LAMA3: variants seen among roughly 807,000 people sequenced by gnomAD.
The protein encoded by LAMA3 is laminin subunit alpha 3.
In LAMA3, 281 loss-of-function variants were observed where a neutral mutation model predicts 402.0. The observed-to-expected ratio is 0.70, with a 90% CI of 0.63 to 0.77. The LOEUF (loss-of-function observed/expected upper bound fraction) is 0.77. LAMA3 is among the 30% of genes least tolerant of loss of function. The pLI is 0.00. For synonymous variants in LAMA3, 1,431 were observed against 1,558.4 expected, an observed-to-expected ratio of 0.92 and a Z score of 1.93; for missense variants, 3,840 against 4,215.5, an observed-to-expected ratio of 0.91 and a Z score of 2.47.
At chr18:23,756,824 C>T (rs2061853545) in intron 6 of LAMA3, among the ~76,000 whole-genome samples, 1 of 152,248 alleles carries the variant, frequency 6.6e-6, no homozygotes, top group South Asian at 2.1e-4. Context: ...CTGGATGGGG[C>T]GCCTGCACCC....
At chr18:23,928,920 C>G (rs1227913578) in intron 64 of LAMA3, among the ~76,000 whole-genome samples, 155 bp downstream of exon 64, 1 of 152,192 alleles carries the variant, frequency 6.6e-6, no homozygotes, top group Non-Finnish European at 1.5e-5. Context: ...AAACGTTATT[C>G]CCCACTCTGG....
At chr18:23,872,927 C>T in intron 38 of LAMA3, 1 of 1,342,182 alleles carries the variant, frequency 7.5e-7, no homozygotes, top group Non-Finnish European at 1.0e-6. Context: ...GGTGGGGCCC[C>T]TGCCGCAGAC....
chr18:23,876,723 A>G (rs2064730047), intron 39 of LAMA3, among the ~76,000 whole-genome samples: 1 of 152,188 alleles, frequency 6.6e-6, no homozygotes, highest in African/African-American at 2.4e-5. Context: ...AACTAATCCA[A>G]GCCACTACTT....
chr18:23,741,799 C>G (rs146561386), intron 2 of LAMA3, among the ~76,000 whole-genome samples: 2 of 152,126 alleles, frequency 1.3e-5, no homozygotes, highest in Non-Finnish European at 2.9e-5. Context: ...CTTGGCTTCA[C>G]GTGCTTCTTG....
chr18:23,912,959 G>A (rs1305760922), intron 56 of LAMA3, 78 bp downstream of exon 56: 28 of 1,297,046 alleles, frequency 2.2e-5, no homozygotes, highest in Non-Finnish European at 3.0e-5. Context: ...GTGTGGCACG[G>A]CTGCATCACT....
At chr18:23,945,775 C>T (rs550808783) in intron 69 of LAMA3, among the ~76,000 whole-genome samples, 59 of 152,304 alleles carry the variant, frequency 3.9e-4, no homozygotes, top group Middle Eastern at 3.4e-3. Context: ...CAACACACCC[C>T]CGTCCCCAGC....
At chr18:23,779,486 G>A (rs1162092441) in intron 11 of LAMA3, among the ~76,000 whole-genome samples, 1 of 152,084 alleles carries the variant, frequency 6.6e-6, no homozygotes, top group Non-Finnish European at 1.5e-5. Context: ...GAAAGAGAGG[G>A]CTCTGGGGTG....
chr18:23,782,451 G>A (rs982705297), intron 11 of LAMA3, among the ~76,000 whole-genome samples: 4 of 152,144 alleles, frequency 2.6e-5, no homozygotes, highest in African/African-American at 9.7e-5. Context: ...TACTCGGGAG[G>A]CTGAGGCATG....
rs182399626 is a variant in LAMA3 at position 23,800,677 on chromosome 18, T to C, written c.1604-9689T>C. ...ATATCCATTAAGCAATCTCTCCCTG[T>C]CCCCGCTCCTACACTTCTGAGCCTC... On this transcript the variant is annotated intron_variant, in intron 12 of 74. Transcript: ENST00000313654. 1.5e-3 allele frequency among the ~76,000 whole-genome samples: 224 copies of C among 152,190 alleles called. 1 individual carries two copies. Among genetic ancestry groups the C allele is most frequent in the Non-Finnish European group, 2.8e-3 (192 of 67,988 alleles).
In LAMA3 at chr18:23,842,376, T is replaced by C. The variant is rs765787271; in HGVS notation, c.3337-19T>C. ...CTTGAGGGTTTTTAATTTTTTTTCC[T>C]CCTCTTTTTTCCTCTTAGAATCAAG... On this transcript the variant is annotated intron_variant, in intron 27 of 74. Transcript: ENST00000313654. 56 of 1,613,982 alleles carry C rather than the reference T, an allele frequency of 3.5e-5. No homozygotes were observed. The highest frequency in any genetic ancestry group is 4.1e-5 in the Non-Finnish European group (48 of 1,179,992).
intron 11 of LAMA3, 121 bp downstream of exon 11, chr18:23,777,740 C>A (rs896691613): frequency 1.3e-6 from 1 of 798,120 alleles, no homozygotes; most frequent in African/African-American, 1.7e-5. Context: ...ATGGTAGGTG[C>A]CTTGCAGGTG....
At chr18:23,906,948 G>A (rs182542228) in intron 52 of LAMA3, among the ~76,000 whole-genome samples, 1 of 152,172 alleles carries the variant, frequency 6.6e-6, no homozygotes, top group Non-Finnish European at 1.5e-5. Flanking sequence ...AATATTATCA[G>A]CTAGGAATGT....
At chr18:23,901,891 A>G (rs1334034481) in intron 48 of LAMA3, among the ~76,000 whole-genome samples, 3 of 152,182 alleles carry the variant, frequency 2.0e-5, no homozygotes, top group Non-Finnish European at 4.4e-5. Context: ...ACGGGGTTTC[A>G]CCATGTTGGC....
intron 68 of LAMA3, among the ~76,000 whole-genome samples, chr18:23,943,129 C>T (rs1026619208): frequency 1.3e-4 from 20 of 152,234 alleles, no homozygotes; most frequent in African/African-American, 4.8e-4. Context: ...ACATACAAAA[C>T]AGAATGCATA....
intron 56 of LAMA3, among the ~76,000 whole-genome samples, 185 bp from the exon 57 acceptor site, chr18:23,914,225 C>G (rs932468089): frequency 6.6e-6 from 1 of 152,180 alleles, no homozygotes; most frequent in East Asian, 1.9e-4. Context: ...TGAGCAGAGA[C>G]AGCTCTCACA....
At chr18:23,926,377 A>G (rs920355380) in intron 62 of LAMA3, among the ~76,000 whole-genome samples, 3 of 152,176 alleles carry the variant, frequency 2.0e-5, no homozygotes, top group African/African-American at 4.8e-5. Flanking sequence ...ATATGTTGAA[A>G]CCCAAAGAAG....
At chr18:23,951,029 C>T (rs1475405794) in intron 72 of LAMA3, among the ~76,000 whole-genome samples, 1 of 152,170 alleles carries the variant, frequency 6.6e-6, no homozygotes, top group East Asian at 1.9e-4. Flanking sequence ...ATAGGCTGTC[C>T]CATCTAGCTA....
chr18:23,815,574 G>A lies in LAMA3; in HGVS notation c.2047+1G>A. ...AAGAGCAATTACTTTGGGTGTCAAG[G>A]TAAATAAGTCCATTGGGCCCTGAGC... is the stretch of plus-strand genomic sequence containing the variant. On this transcript the variant is annotated splice_donor_variant, in intron 17 of 74. Transcript: ENST00000313654. LOFTEE classifies it high-confidence loss of function. 6.2e-7 allele frequency: 1 copy of A among 1,602,142 alleles called. No individual in the cohort carries two copies. The highest frequency in any genetic ancestry group is 8.6e-7 in the Non-Finnish European group (1 of 1,169,074).
At chr18:23,705,446 G>GACAC (rs1426163123) in intron 1 of LAMA3, among the ~76,000 whole-genome samples, 1 of 82,122 alleles carries the variant, frequency 1.2e-5, no homozygotes, top group African/African-American at 3.9e-5. Context: ...GTATTATCAT[G>GACAC]ACATACACAC....
Sources: allele counts gnomAD v4.1 joint callset (sites outside exome capture counted in the v4.1 genomes callset), GRCh38; gene constraint gnomAD v4.1.1; transcripts MANE v1.5; gene names NCBI Gene and HGNC (gene_info 2026-07-23, HGNC 2026-07-21).